CNRIP1: variants seen among roughly 807,000 people sequenced by gnomAD.
CNRIP1 encodes cannabinoid receptor interacting protein 1, also known as CB1 cannabinoid receptor-interacting protein 1.
In CNRIP1, 10 loss-of-function variants were observed where a neutral mutation model predicts 15.2. That is an observed-to-expected ratio of 0.66 (90% confidence interval 0.41 to 1.12). The LOEUF (loss-of-function observed/expected upper bound fraction) is 1.12. CNRIP1 is among the 50% of genes most tolerant of loss of function. The pLI, the probability that CNRIP1 is intolerant of heterozygous loss-of-function variation, is 0.00. For synonymous variants in CNRIP1, 91 were observed against 83.2 expected (o/e 1.09, Z -0.51); for missense variants, 211 against 214.7 (o/e 0.98, Z 0.11).
chr2:68,304,229 GAAA>G (rs11315317), intron 2 of CNRIP1, among the ~76,000 whole-genome samples: 1 of 140,174 alleles, frequency 7.1e-6, no homozygotes, highest in Non-Finnish European at 1.6e-5. Flanking sequence ...GTCTCTACTT[GAAA>G]AAAAAAAAAA....
intron 2 of CNRIP1, among the ~76,000 whole-genome samples, chr2:68,308,882 T>C (rs1671969022): frequency 6.6e-6 from 1 of 151,940 alleles, no homozygotes; most frequent in Non-Finnish European, 1.5e-5. Context: ...CAGTGAGCAC[T>C]GAAATATCTC....
intron 2 of CNRIP1, among the ~76,000 whole-genome samples, chr2:68,300,150 T>C (rs1037607051): frequency 2.0e-5 from 3 of 152,242 alleles, no homozygotes; most frequent in African/African-American, 7.2e-5. Context: ...CTAGGTCTTA[T>C]AAAGTACATT....
chr2:68,315,922 ACTTT>A (rs947409658), intron 2 of CNRIP1: 1 of 152,150 alleles, frequency 6.6e-6, no homozygotes, highest in African/African-American at 2.4e-5. Flanking sequence ...CATAGAAACA[ACTTT>A]CTAAGAACAT....
chr2:68,291,873 C>A (rs2103885353), downstream of CNRIP1, among the ~76,000 whole-genome samples: 2 of 95,706 alleles, frequency 2.1e-5, no homozygotes, highest in South Asian at 4.7e-4. Context: ...AGTGAGACTC[C>A]ATCTCAAAAA....
rs1430449089 is a variant in CNRIP1, at chr2:68,317,151, C to T, written c.330+6G>A. The T allele has an allele frequency of 6.2e-7, 1 of 1,614,188 alleles. No individual in the cohort carries two copies. Among genetic ancestry groups the T allele is most frequent in the East Asian group, 2.2e-5 (1 of 44,884 alleles). On this transcript the variant is annotated splice_donor_region_variant and intron_variant, in intron 2 of 2. Transcript: ENST00000263655. ...CCATACTCCTATACCCGCAAGCAAGCCTTACCGGCATGGTGATCTGGATGG... is the reference window on the plus strand; with the variant it reads ...CCATACTCCTATACCCGCAAGCAAGTCTTACCGGCATGGTGATCTGGATGG...
intron 2 of CNRIP1, among the ~76,000 whole-genome samples, chr2:68,299,093 G>A (rs1264652401): frequency 6.6e-6 from 1 of 152,168 alleles, no homozygotes; most frequent in Non-Finnish European, 1.5e-5. Flanking sequence ...AAGATTCAGA[G>A]AGGTTAGATG....
At position 68,293,146 on chromosome 2, in the gene CNRIP1, G is replaced by T; in HGVS notation, c.*716C>A. 1.0e-6 allele frequency: 1 copy of T among 985,416 alleles called. No individual in the cohort carries two copies. The highest frequency in any genetic ancestry group is 1.2e-6 in the Non-Finnish European group (1 of 829,950). The allele number at this position is 985,416 out of a possible 1,614,324, so 61.0% of individuals were successfully genotyped here. A position where few individuals can be genotyped will look rare whatever the true frequency, so the allele number is the denominator to read the frequency against. On this transcript the variant is annotated 3_prime_UTR_variant, in exon 3 of 3. Transcript: ENST00000263655. ...GAAGACTATGGAAGCTTGTCAAAGG[G>T]GTAACCCTACAACTCCTGTCACTTT...
At position 68,287,285 on chromosome 2, in the gene CNRIP1, A is replaced by G. The variant is rs537154664; in HGVS notation, c.331-2801T>C. On this transcript the variant is annotated intron_variant, in intron 2 of 2. Coordinates refer to the CNRIP1 transcript ENST00000409559. ...AGGAAAGGCAAGGTTATGCTGAAGT[A>G]ATGAACAACCCCAGAATCTTAGTGA... Among the ~76,000 whole-genome samples, 16 of 152,348 alleles carry G rather than the reference A, an allele frequency of 1.1e-4. No homozygotes were observed. In the South Asian group the frequency reaches 3.3e-3, roughly 32 times the overall value.
At chr2:68,312,565 A>T (rs1366177338) in intron 2 of CNRIP1, among the ~76,000 whole-genome samples, 3 of 152,174 alleles carry the variant, frequency 2.0e-5, no homozygotes, top group Non-Finnish European at 4.4e-5. Context: ...AAGAATGTCC[A>T]CTCTCACCAT....
intron 2 of CNRIP1, chr2:68,316,018 T>C (rs867492342): frequency 6.6e-6 from 1 of 152,234 alleles, no homozygotes. Flanking sequence ...TTGAAGGTTC[T>C]TTGACAGAAC....
intron 2 of CNRIP1, among the ~76,000 whole-genome samples, chr2:68,310,219 T>G (rs1672023924): frequency 6.6e-6 from 1 of 152,184 alleles, no homozygotes; most frequent in Non-Finnish European, 1.5e-5. Flanking sequence ...CCCCAGCTAC[T>G]CTGGCGGCTG....
chr2:68,305,303 T>C (rs1305431507), intron 2 of CNRIP1, among the ~76,000 whole-genome samples: 1 of 146,370 alleles, frequency 6.8e-6, no homozygotes, highest in Non-Finnish European at 1.5e-5. Flanking sequence ...TGTGTGTGTG[T>C]GTGTGTGTGT....
chr2:68,286,317 AAC>A (rs3039882), intron 2 of CNRIP1, among the ~76,000 whole-genome samples: 60,205 of 149,408 alleles, frequency 0.4, 12,182 homozygotes, highest in East Asian at 0.58. Flanking sequence ...GGACCTTACG[AAC>A]ACACACACAC....
chr2:68,291,663 G>A (rs1224866380), downstream of CNRIP1, among the ~76,000 whole-genome samples: 1 of 151,900 alleles, frequency 6.6e-6, no homozygotes, highest in East Asian at 1.9e-4. Flanking sequence ...GGTAGATCAC[G>A]AGGTCAGGAG....
At chr2:68,310,391 G>T (rs1412252348) in intron 2 of CNRIP1, among the ~76,000 whole-genome samples, 1 of 152,038 alleles carries the variant, frequency 6.6e-6, no homozygotes, top group Non-Finnish European at 1.5e-5. Flanking sequence ...CCTCAGGGTG[G>T]GTATATCCAA....
intron 2 of CNRIP1, among the ~76,000 whole-genome samples, chr2:68,306,011 T>A (rs949317225): frequency 2.2e-4 from 33 of 148,000 alleles, no homozygotes; most frequent in African/African-American, 8.0e-4. Context: ...GTGCCTCTGG[T>A]CCCAGCTACT....
rs1016128267 is a variant in CNRIP1, at chr2:68,305,485, C to G, written c.331-11459G>C. 2.0e-5 allele frequency among the ~76,000 whole-genome samples: 3 copies of G among 151,654 alleles called. No individual in the cohort carries two copies. In the East Asian group the frequency reaches 5.8e-4, roughly 29 times the overall value. ...ATCAGTGTGGGTGCCTAAGTCAAGT[C>G]AGAAATGTCAGAATTAAAACTGGAA... On this transcript the variant is annotated intron_variant, in intron 2 of 2. Transcript: ENST00000263655.
intron 2 of CNRIP1, among the ~76,000 whole-genome samples, chr2:68,299,115 G>C (rs1261463479): frequency 1.3e-5 from 2 of 152,134 alleles, no homozygotes; most frequent in African/African-American, 4.8e-5. Flanking sequence ...TTTGCCCTCA[G>C]TCTAGACTCC....
intron 2 of CNRIP1, among the ~76,000 whole-genome samples, chr2:68,302,197 C>T (rs116745915): frequency 1.7e-3 from 263 of 152,244 alleles, no homozygotes; most frequent in African/African-American, 6.0e-3. Context: ...TTATCTCTTA[C>T]ACATTTCTAA....
Sources: gnomAD v4.1 joint callset for allele counts (sites outside exome capture counted in the v4.1 genomes callset) on GRCh38, gnomAD v4.1.1 for gene constraint, MANE v1.5 for transcripts, NCBI Gene and HGNC (gene_info 2026-07-23, HGNC 2026-07-21) for gene names.